Variants in DOCK2 observed in about 807,000 individuals in gnomAD.
The protein encoded by DOCK2 is dedicator of cytokinesis 2, also known as dedicator of cytokinesis protein 2.
Under a neutral mutation model 248.9 loss-of-function variants are expected in DOCK2, and 87 were observed. The observed-to-expected ratio is 0.35, with a 90% CI of 0.29 to 0.42. DOCK2 has a LOEUF of 0.42. Ranked by LOEUF, DOCK2 falls within the 10% of genes least tolerant of loss-of-function variation. The pLI, the probability that DOCK2 is intolerant of heterozygous loss-of-function variation, is 1.00. For missense variants in DOCK2, 1,747 were observed against 2,300.2 expected, an observed-to-expected ratio of 0.76 and a Z score of 4.92; for synonymous variants, 805 against 821.6, an observed-to-expected ratio of 0.98 and a Z score of 0.35.
At chr5:169,804,480 GTGTGT>G (rs1767206387) in intron 26 of DOCK2, among the ~76,000 whole-genome samples, 2 of 80,070 alleles carry the variant, frequency 2.5e-5, no homozygotes, top group African/African-American at 6.1e-5. Flanking sequence ...GTGTGTGTGT[GTGTGT>G]GCGCGCGCGC....
At chr5:169,768,755 C>T (rs264831) in intron 25 of DOCK2, among the ~76,000 whole-genome samples, 22,232 of 152,224 alleles carry the variant, frequency 0.15, 2,486 homozygotes, top group African/African-American at 0.31. Context: ...AAAGCCTCTC[C>T]CTCTCAGGAT....
At chr5:169,840,082 G>C (rs1263484498) in intron 26 of DOCK2, among the ~76,000 whole-genome samples, 3 of 152,196 alleles carry the variant, frequency 2.0e-5, no homozygotes, top group African/African-American at 4.8e-5. Flanking sequence ...AGGTTTAATT[G>C]GTTCCTGATT....
intron 27 of DOCK2, chr5:169,864,284 A>G: frequency 6.4e-7 from 1 of 1,551,616 alleles, no homozygotes; most frequent in Non-Finnish European, 8.7e-7. Flanking sequence ...CAGATCCACC[A>G]GAAGCATTTC....
At chr5:169,958,152 A>ATTTGT (rs1246246974) in intron 27 of DOCK2, among the ~76,000 whole-genome samples, 22 of 152,212 alleles carry the variant, frequency 1.4e-4, no homozygotes, top group Non-Finnish European at 2.9e-4. Context: ...GTCTTTGTCA[A>ATTTGT]CTTGATTATC....
chr5:169,805,274 T>C (rs2113146376), intron 26 of DOCK2, among the ~76,000 whole-genome samples: 1 of 151,620 alleles, frequency 6.6e-6, no homozygotes, highest in Middle Eastern at 3.5e-3. Flanking sequence ...TGGTGGCATG[T>C]ACCTATAGTC....
intron 29 of DOCK2, among the ~76,000 whole-genome samples, chr5:169,990,861 C>G (rs1242223001): frequency 6.6e-6 from 1 of 152,226 alleles, no homozygotes; most frequent in Non-Finnish European, 1.5e-5. Context: ...TGGGCATGGT[C>G]CACGCTGTGT....
At chr5:169,976,171 C>T (rs1407867856) in intron 27 of DOCK2, among the ~76,000 whole-genome samples, 1 of 152,236 alleles carries the variant, frequency 6.6e-6, no homozygotes, top group Non-Finnish European at 1.5e-5. Flanking sequence ...GCAAGTTCAA[C>T]TCTACCTTCT....
Position 169,698,357 on chromosome 5 carries a change from T to A in DOCK2, c.980-17T>A. 1.2e-6 allele frequency: 2 copies of A among 1,612,816 alleles called. No individual in the cohort carries two copies. The highest frequency in any genetic ancestry group is 1.7e-6 in the Non-Finnish European group (2 of 1,178,884). ...AGGAAGAAGTTAAACCATTAATTCA[T>A]TCTGTCTTCTTTCTAGTTATGGATA... is the stretch of plus-strand genomic sequence containing the variant. On this transcript the variant is annotated splice_polypyrimidine_tract_variant and intron_variant, in intron 10 of 51. Coordinates refer to ENST00000520908, the MANE Select transcript of DOCK2 (RefSeq NM_004946.3).
At chr5:169,984,722 C>T (rs1778023202) in intron 28 of DOCK2, among the ~76,000 whole-genome samples, 1 of 152,102 alleles carries the variant, frequency 6.6e-6, no homozygotes, top group South Asian at 2.1e-4. Flanking sequence ...ATATTGGGCT[C>T]CAGGTAAGGC....
intron 22 of DOCK2, among the ~76,000 whole-genome samples, chr5:169,730,243 C>A (rs1458343422): frequency 6.6e-6 from 1 of 152,214 alleles, no homozygotes; most frequent in Non-Finnish European, 1.5e-5. Flanking sequence ...AGGCATGAGC[C>A]ACTGCTCCTG....
At chr5:169,649,617 C>G (rs2113144940) in intron 1 of DOCK2, among the ~76,000 whole-genome samples, 1 of 152,246 alleles carries the variant, frequency 6.6e-6, no homozygotes, top group Non-Finnish European at 1.5e-5. Flanking sequence ...GAGTGTGATG[C>G]CTGGTGAGGA....
At chr5:170,047,287 T>G (rs913262692) in intron 39 of DOCK2, among the ~76,000 whole-genome samples, 4 of 152,194 alleles carry the variant, frequency 2.6e-5, no homozygotes, top group African/African-American at 9.7e-5. Context: ...CAAGGGTGAT[T>G]CAAGTAACCA....
chr5:169,699,135 T>C (rs1466670445), intron 11 of DOCK2, among the ~76,000 whole-genome samples: 1 of 152,188 alleles, frequency 6.6e-6, no homozygotes, highest in Non-Finnish European at 1.5e-5. Context: ...ATCCTACCTT[T>C]ATAAGCATCT....
chr5:169,997,054 C>T (rs1193133714), intron 30 of DOCK2, among the ~76,000 whole-genome samples: 2 of 151,880 alleles, frequency 1.3e-5, no homozygotes, highest in Non-Finnish European at 2.9e-5. Context: ...ATTTATTCAT[C>T]ATTTGTGGGT....
At chr5:169,994,956 T>G (rs1473545180) in intron 29 of DOCK2, among the ~76,000 whole-genome samples, 3 of 151,916 alleles carry the variant, frequency 2.0e-5, no homozygotes, top group Non-Finnish European at 2.9e-5. Flanking sequence ...GGAAGACACT[T>G]AAGGAGAAAT....
intron 49 of DOCK2, 159 bp from the exon 50 acceptor site, chr5:170,080,004 G>A: frequency 7.9e-7 from 1 of 1,264,806 alleles, no homozygotes. Flanking sequence ...TATGTGGCAG[G>A]CTGGCATGGA....
At position 170,068,866 on chromosome 5, in the gene DOCK2, T is replaced by C. The variant is rs191456676; in HGVS notation, c.4645-271T>C. 1.1e-4 allele frequency among the ~76,000 whole-genome samples: 17 copies of C among 152,280 alleles called. No homozygotes were observed. In the East Asian group the frequency reaches 2.9e-3, roughly 26 times the overall value. Reference sequence around the variant, plus strand: ...CTAGAGACTTTGCATCTCTAACAAGTTCCAAAGTACTGTTGCTGCTACTGG... The same window carrying C: ...CTAGAGACTTTGCATCTCTAACAAGCTCCAAAGTACTGTTGCTGCTACTGG... On this transcript the variant is annotated intron_variant, in intron 45 of 51. Coordinates refer to ENST00000520908, the MANE Select transcript of DOCK2 (RefSeq NM_004946.3).
intron 27 of DOCK2, among the ~76,000 whole-genome samples, chr5:169,929,741 CAAAAAAA>C (rs1211612989): frequency 4.8e-5 from 3 of 62,958 alleles, no homozygotes; most frequent in Admixed American, 1.7e-4. Context: ...GACCCTGTCT[CAAAAAAA>C]AAAAAAAAAA....
chr5:169,731,963 T>G (rs776942730), intron 22 of DOCK2, among the ~76,000 whole-genome samples: 9 of 151,944 alleles, frequency 5.9e-5, no homozygotes, highest in Admixed American at 6.6e-5. Context: ...CTACTAAAAC[T>G]ACAAAAATTA....
Sources: gnomAD v4.1 joint callset for allele counts (sites outside exome capture counted in the v4.1 genomes callset) on GRCh38, gnomAD v4.1.1 for gene constraint, MANE v1.5 for transcripts, NCBI Gene and HGNC (gene_info 2026-07-23, HGNC 2026-07-21) for gene names.